CLCN3: variants seen among roughly 807,000 people sequenced by gnomAD.
CLCN3 encodes the protein H(+)/Cl(-) exchange transporter 3.
Under a neutral mutation model 83.4 loss-of-function variants are expected in CLCN3, and 16 were observed. The ratio of observed to expected loss-of-function variants is 0.19; its 90% CI spans 0.13 to 0.29. The LOEUF (loss-of-function observed/expected upper bound fraction) is 0.29, where lower values mean the gene tolerates loss of function less well. Ranked by LOEUF, CLCN3 falls within the 10% of genes least tolerant of loss-of-function variation. CLCN3 has a pLI of 1.00. For missense variants in CLCN3, 544 were observed against 1,006.0 expected (o/e 0.54, Z 6.21); for synonymous variants, 322 against 346.2 (o/e 0.93, Z 0.78).
intron 9 of CLCN3, 84 bp from the exon 10 acceptor site, chr4:169,703,914 G>A (rs1732890244): frequency 7.6e-7 from 1 of 1,321,638 alleles, no homozygotes; most frequent in South Asian, 1.3e-5. Context: ...AATCAAAAGT[G>A]TTAGAAATAA....
intron 6 of CLCN3, among the ~76,000 whole-genome samples, chr4:169,691,281 T>G (rs1732363072): frequency 6.6e-6 from 1 of 152,158 alleles, no homozygotes; most frequent in East Asian, 1.9e-4. Context: ...CCTCCCAAAG[T>G]GCTGGGATTA....
At chr4:169,679,053 C>T (rs1333982374) in intron 2 of CLCN3, among the ~76,000 whole-genome samples, 7 of 151,162 alleles carry the variant, frequency 4.6e-5, no homozygotes, top group East Asian at 4.0e-4. Context: ...CCCCACCTCC[C>T]AGACTGGGTG....
chr4:169,717,661 A>G, intron 12 of CLCN3: 1 of 512,222 alleles, frequency 2.0e-6, no homozygotes, highest in Non-Finnish European at 3.4e-6. Context: ...TTTTGTTTTT[A>G]TTTTCTAAAG....
At chr4:169,677,842 T>G (rs1731739586) in intron 2 of CLCN3, among the ~76,000 whole-genome samples, 1 of 152,190 alleles carries the variant, frequency 6.6e-6, no homozygotes, top group African/African-American at 2.4e-5. Flanking sequence ...TTTCCATTTC[T>G]TTTTATGTGT....
chr4:169,644,075 C>CAACA (rs1222360543), intron 2 of CLCN3, among the ~76,000 whole-genome samples: 1 of 152,136 alleles, frequency 6.6e-6, no homozygotes, highest in Non-Finnish European at 1.5e-5. Flanking sequence ...GAACATTGTA[C>CAACA]AACAGTATGA....
chr4:169,712,112 C>G (rs1246914720), intron 11 of CLCN3, among the ~76,000 whole-genome samples: 1 of 151,300 alleles, frequency 6.6e-6, no homozygotes. Context: ...ATACTCCTGC[C>G]TCGGCCTCCC....
At chr4:169,690,855 G>C (rs1252470804) in intron 6 of CLCN3, among the ~76,000 whole-genome samples, 1 of 152,068 alleles carries the variant, frequency 6.6e-6, no homozygotes, top group Non-Finnish European at 1.5e-5. Context: ...TACTGTGAAG[G>C]CTGATTTTTT....
intron 2 of CLCN3, among the ~76,000 whole-genome samples, chr4:169,655,094 T>C (rs994717934): frequency 6.6e-6 from 1 of 152,212 alleles, no homozygotes; most frequent in African/African-American, 2.4e-5. Context: ...TTATAGTTTT[T>C]TATCTTACAA....
intron 2 of CLCN3, among the ~76,000 whole-genome samples, chr4:169,668,288 G>C (rs934550932): frequency 1.3e-5 from 2 of 151,858 alleles, no homozygotes; most frequent in Non-Finnish European, 2.9e-5. Context: ...TGATTAGCTG[G>C]GACTACAGGT....
At chr4:169,719,862 A>T in intron 12 of CLCN3, 45 bp from the exon 13 acceptor site, 1 of 1,504,822 alleles carries the variant, frequency 6.6e-7, no homozygotes, top group East Asian at 2.3e-5. Context: ...TTCTCCTTTT[A>T]TTTTCCCTTT....
rs764923198 is a variant in CLCN3, at chr4:169,707,253, G to A, written c.2136G>A (p.Leu712=). ...TGGGATTTGCCCTCAGAAGAGACCT[G>A]ACAATTGCAATAGGTACCCTTTCAA... ...RLVGFALRRD[L]TIAIESARKK... The change falls in exon 11 of 13, where the codon CTG becomes CTA. Residue 712 remains leucine (L), a synonymous_variant. Transcript: ENST00000513761. 1 of 1,601,934 alleles carries A rather than the reference G, an allele frequency of 6.2e-7. No individual in the cohort carries two copies. The highest frequency in any genetic ancestry group is 8.5e-7 in the Non-Finnish European group (1 of 1,174,928).
At chr4:169,707,317 A>G in intron 11 of CLCN3, 51 bp downstream of exon 11, 2 of 1,398,186 alleles carry the variant, frequency 1.4e-6, no homozygotes, top group Non-Finnish European at 1.9e-6. Flanking sequence ...TTTCTGGAAG[A>G]AAGGAAAGCA....
chr4:169,682,372 T>C (rs2877436), intron 3 of CLCN3, among the ~76,000 whole-genome samples: 13,995 of 152,208 alleles, frequency 0.092, 675 homozygotes, highest in African/African-American at 0.12. Context: ...AATTCTATCA[T>C]TGGAAACAAA....
At chr4:169,718,299 T>C (rs55833721) in intron 12 of CLCN3, among the ~76,000 whole-genome samples, 16,888 of 151,790 alleles carry the variant, frequency 0.11, 1,035 homozygotes, top group East Asian at 0.17. Context: ...GGTAGTCTTA[T>C]GGTAAATCTA....
intron 1 of CLCN3, among the ~76,000 whole-genome samples, chr4:169,626,843 AAG>A (rs971629460): frequency 3.9e-5 from 6 of 152,338 alleles, no homozygotes; most frequent in African/African-American, 1.4e-4. Context: ...AATATTAAAA[AAG>A]AATGTAATAA....
At chr4:169,659,970 A>G in intron 2 of CLCN3, 1 of 860,352 alleles carries the variant, frequency 1.2e-6, no homozygotes, top group Non-Finnish European at 1.4e-6. Context: ...TATTTATCTT[A>G]AAACCAAAAG....
chr4:169,625,320 C>T (rs568783613), intron 1 of CLCN3, among the ~76,000 whole-genome samples: 1 of 152,238 alleles, frequency 6.6e-6, no homozygotes, highest in African/African-American at 2.4e-5. Flanking sequence ...ACTGACACAC[C>T]TTTGGGAATT....
At chr4:169,640,298 A>T (rs545871111) in intron 2 of CLCN3, among the ~76,000 whole-genome samples, 2 of 152,334 alleles carry the variant, frequency 1.3e-5, no homozygotes, top group East Asian at 3.9e-4. Context: ...CTAGAACTCA[A>T]ATATGACATC....
chr4:169,649,912 T>C (rs1283507420), intron 2 of CLCN3, among the ~76,000 whole-genome samples: 6 of 152,048 alleles, frequency 3.9e-5, no homozygotes, highest in Admixed American at 3.9e-4. Context: ...GGCAAGGCCT[T>C]GTCTCTACAA....
Sources: allele counts gnomAD v4.1 joint callset (sites outside exome capture counted in the v4.1 genomes callset), GRCh38; gene constraint gnomAD v4.1.1; transcripts MANE v1.5; gene names NCBI Gene and HGNC (gene_info 2026-07-23, HGNC 2026-07-21).